Variants in ENOX2 observed in about 807,000 individuals in gnomAD.
ENOX2 encodes the protein APK1 antigen.
A neutral mutation model predicts 45.0 loss-of-function variants in ENOX2; 36 were observed. The observed-to-expected ratio is 0.80, with a 90% CI of 0.61 to 1.06. The LOEUF (loss-of-function observed/expected upper bound fraction) is 1.06. Ranked by LOEUF, ENOX2 falls within the 50% of genes least tolerant of loss-of-function variation. The probability of loss-of-function intolerance (pLI) is 0.00; values close to 1 mark genes in which losing one functional copy is unlikely to be tolerated. For missense variants in ENOX2, 423 were observed against 462.5 expected, an observed-to-expected ratio of 0.91 and a Z score of 0.78; for synonymous variants, 174 against 152.3, an observed-to-expected ratio of 1.14 and a Z score of -1.05.
chrX:130,711,799 A>G (rs1387246020), intron 3 of ENOX2, among the ~76,000 whole-genome samples: 7 of 111,506 alleles, frequency 6.3e-5, no homozygotes, highest in Admixed American at 3.8e-4. Flanking sequence ...CCACCTCTGT[A>G]TTGGAGCAGT....
intron 2 of ENOX2, among the ~76,000 whole-genome samples, chrX:130,797,928 T>C (rs1367432445): frequency 2.7e-5 from 3 of 110,750 alleles, no homozygotes; most frequent in African/African-American, 9.9e-5. Context: ...ACATAATATA[T>C]TTGTCAGGAG....
intron 10 of ENOX2, among the ~76,000 whole-genome samples, chrX:130,648,434 G>A (rs1312233473): frequency 1.3e-4 from 14 of 106,808 alleles, no homozygotes; most frequent in African/African-American, 3.1e-4. Flanking sequence ...GCGAAACTCC[G>A]TCTCCAAAAA....
chrX:130,626,801 G>T (rs1191953436), intron 14 of ENOX2, among the ~76,000 whole-genome samples: 1 of 111,928 alleles, frequency 8.9e-6, no homozygotes, highest in Non-Finnish European at 1.9e-5. Flanking sequence ...CACTGTCTTT[G>T]TTAAGAGAAC....
chrX:130,857,310 A>G (rs1439389369), intron 2 of ENOX2, among the ~76,000 whole-genome samples: 1 of 112,431 alleles, frequency 8.9e-6, no homozygotes, highest in Non-Finnish European at 1.9e-5. Context: ...TGCAGACTGG[A>G]GATTGACTGG....
At position 130,631,671 on chromosome X, in the gene ENOX2, T is replaced by C. The variant is rs762918244; in HGVS notation, c.1420-95A>G. The stretch of plus-strand genomic sequence containing the variant: ...CAACAGGTAACTTAACACAGGACCA[T>C]AAAAACAATACCATTCAATTTGGAT... On this transcript the variant is annotated intron_variant, in intron 12 of 14. Coordinates refer to ENST00000394363, the MANE Select transcript of ENOX2 (RefSeq NM_006375.4). 4 of 474,847 alleles carry C rather than the reference T, an allele frequency of 8.4e-6. No individual in the cohort carries two copies. In the South Asian group the frequency reaches 1.1e-4, roughly 13 times the overall value. 39.1% of individuals were successfully genotyped at this position (474,847 alleles called of 1,213,427 possible). A position where few individuals can be genotyped will look rare whatever the true frequency, so the allele number is the denominator to read the frequency against.
chrX:130,731,290 A>G (rs1173035638), intron 3 of ENOX2, among the ~76,000 whole-genome samples: 1 of 112,258 alleles, frequency 8.9e-6, no homozygotes, highest in African/African-American at 3.2e-5. Flanking sequence ...TGTGTTAGCT[A>G]TTATTATTTC....
intron 2 of ENOX2, among the ~76,000 whole-genome samples, chrX:130,822,118 A>C (rs2077627843): frequency 9.3e-6 from 1 of 107,210 alleles, no homozygotes; most frequent in African/African-American, 3.4e-5. Context: ...AACACAGAGG[A>C]GAGGAAGTGA....
At chrX:130,833,293 T>C (rs1342495061) in intron 2 of ENOX2, among the ~76,000 whole-genome samples, 1 of 111,178 alleles carries the variant, frequency 9.0e-6, no homozygotes, top group Non-Finnish European at 1.9e-5. Flanking sequence ...TATCTCTATC[T>C]TCTTTGGGGG....
intron 3 of ENOX2, chrX:130,709,289 C>T: frequency 3.3e-6 from 4 of 1,203,727 alleles, no homozygotes; most frequent in Non-Finnish European, 4.5e-6. Context: ...AATCTCTTTG[C>T]ATTGTGTGGT....
intron 2 of ENOX2, among the ~76,000 whole-genome samples, chrX:130,846,099 G>T (rs957570031): frequency 4.5e-5 from 5 of 111,279 alleles, no homozygotes; most frequent in Non-Finnish European, 9.4e-5. Flanking sequence ...CAGGGGTCAG[G>T]AAAGCTCACC....
intron 2 of ENOX2, among the ~76,000 whole-genome samples, chrX:130,838,058 T>C (rs889307482): frequency 2.7e-5 from 3 of 112,107 alleles, no homozygotes; most frequent in Non-Finnish European, 3.8e-5. Context: ...AGTTATCTGA[T>C]ACCTTCAAAT....
intron 2 of ENOX2, among the ~76,000 whole-genome samples, chrX:130,883,330 C>T (rs1253754077): frequency 1.8e-5 from 2 of 111,211 alleles, no homozygotes; most frequent in East Asian, 2.8e-4. Flanking sequence ...ACGCTGGACT[C>T]GAACTCCTGA....
At chrX:130,637,453 T>C (rs1274236561) in intron 10 of ENOX2, 43 bp from the exon 11 acceptor site, 3 of 1,110,268 alleles carry the variant, frequency 2.7e-6, no homozygotes, top group South Asian at 2.0e-5. Flanking sequence ...TCCAGATTCA[T>C]TTGTGATTCA....
intron 2 of ENOX2, among the ~76,000 whole-genome samples, chrX:130,842,102 C>T (rs899533264): frequency 8.9e-6 from 1 of 112,709 alleles, no homozygotes; most frequent in Non-Finnish European, 1.9e-5. Flanking sequence ...GGCTCCTCAA[C>T]CAAGGGTCTA....
chrX:130,897,543 T>C (rs2079078068), intron 2 of ENOX2, among the ~76,000 whole-genome samples: 1 of 112,611 alleles, frequency 8.9e-6, no homozygotes, highest in African/African-American at 3.2e-5. Flanking sequence ...ATAACTATTT[T>C]ATGTGTTTAA....
At chrX:130,635,619 C>T (rs1435036226) in intron 11 of ENOX2, among the ~76,000 whole-genome samples, 3 of 111,718 alleles carry the variant, frequency 2.7e-5, no homozygotes, top group Non-Finnish European at 5.6e-5. Flanking sequence ...AAGCATTGTG[C>T]TAAAGGTGTT....
intron 9 of ENOX2, among the ~76,000 whole-genome samples, chrX:130,665,037 G>GT (rs2148113298): frequency 8.9e-6 from 1 of 111,995 alleles, no homozygotes; most frequent in South Asian, 3.7e-4. Context: ...TCCCATCTCA[G>GT]TTTTTAATCT....
chrX:130,785,775 T>G (rs2076960821), intron 2 of ENOX2, among the ~76,000 whole-genome samples: 2 of 112,503 alleles, frequency 1.8e-5, no homozygotes, highest in African/African-American at 6.5e-5. Context: ...TTGGAATTTC[T>G]TTCTGAAATA....
intron 3 of ENOX2, among the ~76,000 whole-genome samples, chrX:130,771,923 A>G (rs1030566143): frequency 3.6e-5 from 4 of 112,201 alleles, no homozygotes. Flanking sequence ...TCACAGGGTT[A>G]TGGTGAAAAG....
Sources: gnomAD v4.1 joint callset for allele counts (sites outside exome capture counted in the v4.1 genomes callset) on GRCh38, gnomAD v4.1.1 for gene constraint, MANE v1.5 for transcripts, NCBI Gene and HGNC (gene_info 2026-07-23, HGNC 2026-07-21) for gene names.